SASH1: variants seen among roughly 807,000 people sequenced by gnomAD.
The protein encoded by SASH1 is SAM and SH3 domain containing 1, also known as SAM and SH3 domain-containing protein 1.
SASH1 carries 44 observed loss-of-function variants against 125.2 expected under a neutral mutation model. The observed-to-expected ratio is 0.35, with a 90% CI of 0.28 to 0.45. SASH1 has a LOEUF of 0.45. SASH1 is among the 20% of genes least tolerant of loss of function. The pLI, the probability that SASH1 is intolerant of heterozygous loss-of-function variation, is 1.00. For missense variants in SASH1, 1,426 were observed against 1,614.5 expected (o/e 0.88, Z 2.00); for synonymous variants, 639 against 649.1 (o/e 0.98, Z 0.24).
At chr6:148,442,312 C>T (rs1776578757) in intron 4 of SASH1, among the ~76,000 whole-genome samples, 1 of 151,262 alleles carries the variant, frequency 6.6e-6, no homozygotes, top group Non-Finnish European at 1.5e-5. Flanking sequence ...GAGGCTGAGG[C>T]AGGTGGGTCC....
intron 17 of SASH1, 67 bp downstream of exon 17, chr6:148,540,623 C>A: frequency 3.4e-6 from 4 of 1,169,510 alleles, no homozygotes; most frequent in African/African-American, 1.5e-5. Flanking sequence ...CAGTTTTCTG[C>A]AAAAGGACGA....
chr6:148,540,659 A>G (rs1051258860), intron 17 of SASH1, 103 bp downstream of exon 17: 12 of 856,542 alleles, frequency 1.4e-5, no homozygotes, highest in Non-Finnish European at 2.1e-5. Context: ...GAACTCAGCA[A>G]TCATCGTTTC....
upstream of SASH1, among the ~76,000 whole-genome samples, chr6:148,339,520 A>T (rs1295203530): frequency 1.7e-4 from 25 of 150,814 alleles, no homozygotes; most frequent in African/African-American, 6.1e-4. Context: ...ATATATATAG[A>T]TATATAATTA....
At position 148,334,687 on chromosome 6, in the gene SASH1, G is replaced by A. The variant is rs573071053; in HGVS notation, n.75-55447G>A. Among the ~76,000 whole-genome samples the A allele has an allele frequency of 2.1e-4, 32 of 149,826 alleles. 1 individual carries two copies. The South Asian group carries it at 6.8e-3, about 32-fold the overall frequency. On this transcript the variant is annotated intron_variant and non_coding_transcript_variant, in intron 1 of 3. Transcript: ENST00000367469. Reference sequence around the variant, plus strand: ...ATTAGCCAGGTGTGGTGGCACGCGCGTGTAATCCTAGCTACTGGGGAGGCT... The same window carrying A: ...ATTAGCCAGGTGTGGTGGCACGCGCATGTAATCCTAGCTACTGGGGAGGCT...
rs536001962 is a variant in SASH1, at chr6:148,370,739, A to C, written c.157-19395A>C. ...TCGGGAGGCTGAGGCAGGAGAATGA[A>C]GTGAACCCGGGAGGCGGAGCTTGCA... On this transcript the variant is annotated intron_variant, in intron 1 of 19. Coordinates refer to ENST00000367467, the MANE Select transcript of SASH1 (RefSeq NM_015278.5). Among the ~76,000 whole-genome samples the C allele has an allele frequency of 8.2e-3, 1,248 of 152,042 alleles. 9 individuals carry two copies. The highest frequency in any genetic ancestry group is 0.011 in the Non-Finnish European group (775 of 67,988).
intron 2 of SASH1, among the ~76,000 whole-genome samples, chr6:148,438,667 A>G (rs1438368158): frequency 1.3e-5 from 2 of 149,560 alleles, no homozygotes; most frequent in African/African-American, 5.0e-5. Context: ...CCGCTTGTCT[A>G]CAGTCATCCC....
At chr6:148,358,290 A>G (rs189895086) in intron 1 of SASH1, among the ~76,000 whole-genome samples, 130 of 152,298 alleles carry the variant, frequency 8.5e-4, no homozygotes, top group Admixed American at 2.7e-3. Flanking sequence ...GATGGCTCCC[A>G]AGGATCAGCC....
the SASH1 span, among the ~76,000 whole-genome samples, chr6:148,205,084 GTCATTTGTCTTT>G: frequency 6.6e-6 from 1 of 152,176 alleles, no homozygotes; most frequent in Admixed American, 6.5e-5. Flanking sequence ...TCTTCAAGCA[GTCATTTGTCTTT>G]TCAGATGTCT....
intron 2 of SASH1, 78 bp from the exon 3 acceptor site, chr6:148,440,106 C>A (rs1776480391): frequency 2.2e-6 from 3 of 1,386,260 alleles, no homozygotes; most frequent in African/African-American, 1.4e-5. Flanking sequence ...CCTCCCCTCT[C>A]TTCTTACATG....
intron 6 of SASH1, among the ~76,000 whole-genome samples, chr6:148,472,541 A>G (rs951164550): frequency 6.6e-6 from 1 of 152,028 alleles, no homozygotes; most frequent in Non-Finnish European, 1.5e-5. Context: ...GCTAATGTGG[A>G]TTTTTAAAGA....
At chr6:148,378,566 C>T (rs553254904) in intron 1 of SASH1, among the ~76,000 whole-genome samples, 1 of 152,260 alleles carries the variant, frequency 6.6e-6, no homozygotes, top group Non-Finnish European at 1.5e-5. Flanking sequence ...GACCACGATG[C>T]TCAGGTTGGT....
At chr6:148,278,000 C>A (rs1365669326) in intron 1 of SASH1, among the ~76,000 whole-genome samples, 1 of 152,016 alleles carries the variant, frequency 6.6e-6, no homozygotes, top group Non-Finnish European at 1.5e-5. Context: ...CAGGCGTGAG[C>A]CACTGCTCCC....
chr6:148,322,890 T>TC (rs1780678300), intron 1 of SASH1, among the ~76,000 whole-genome samples: 1 of 88,778 alleles, frequency 1.1e-5, no homozygotes, highest in South Asian at 3.7e-4. Flanking sequence ...TTTCTTTTTC[T>TC]TCTTTCTTTC....
Position 148,499,057 on chromosome 6 carries a change from G to GTTTTTT in SASH1, c.729+11354_729+11359dup, listed in dbSNP as rs4052628. 7.3e-4 allele frequency among the ~76,000 whole-genome samples: 93 copies of GTTTTTT among 127,072 alleles called. 1 individual carries two copies. The highest frequency in any genetic ancestry group is 2.3e-3 in the African/African-American group (83 of 35,472). 83.4% of individuals were successfully genotyped at this position (127,072 alleles called of 152,430 possible). A position where few individuals can be genotyped will look rare whatever the true frequency, so the allele number is the denominator to read the frequency against. ...CCATTGTATCAAAATTCTTTTTTTT[G>GTTTTTT]TTTTTTTTTTTTTTTTTGGAGATGG... On this transcript the variant is annotated intron_variant, in intron 8 of 19. Transcript: ENST00000367467.
intron 4 of SASH1, among the ~76,000 whole-genome samples, chr6:148,445,356 T>C (rs1297035085): frequency 6.6e-6 from 1 of 152,244 alleles, no homozygotes. Flanking sequence ...ACCTGCTTTA[T>C]TGCTCAATCT....
At chr6:148,509,467 C>G (rs1207999473) in intron 8 of SASH1, 1 of 155,388 alleles carries the variant, frequency 6.4e-6, no homozygotes, top group Admixed American at 6.2e-5. Context: ...GTGTTTCGAG[C>G]TAGGGAAACA....
At chr6:148,261,597 A>T in the SASH1 span, among the ~76,000 whole-genome samples, 4 of 152,186 alleles carry the variant, frequency 2.6e-5, no homozygotes, top group African/African-American at 9.7e-5. Context: ...GATTCACTTC[A>T]TAACGAGGCC....
chr6:148,365,412 CTT>C (rs11380415), intron 1 of SASH1, among the ~76,000 whole-genome samples: 13 of 144,336 alleles, frequency 9.0e-5, no homozygotes, highest in Admixed American at 1.4e-4. Flanking sequence ...CTTTTACTAT[CTT>C]TTTTTTTTTT....
the SASH1 span, among the ~76,000 whole-genome samples, chr6:148,220,224 C>A: frequency 8.9e-3 from 1,349 of 152,242 alleles, 21 homozygotes; most frequent in African/African-American, 0.03. Context: ...CTGGTGAGGG[C>A]CCCGTCTCTG....
Sources: allele counts gnomAD v4.1 joint callset (sites outside exome capture counted in the v4.1 genomes callset), GRCh38; gene constraint gnomAD v4.1.1; transcripts MANE v1.5; gene names NCBI Gene and HGNC (gene_info 2026-07-23, HGNC 2026-07-21).